Variants in GRIN2B observed in about 807,000 individuals in gnomAD.
GRIN2B encodes glutamate receptor ionotropic, NMDA 2B.
In GRIN2B, 5 loss-of-function variants were observed where a neutral mutation model predicts 114.5. The observed-to-expected ratio is 0.04, with a 90% CI of 0.02 to 0.09. The LOEUF is 0.09. Ranked by LOEUF, GRIN2B falls within the 10% of genes least tolerant of loss-of-function variation. GRIN2B has a pLI of 1.00. For missense variants in GRIN2B, 1,108 were observed against 1,943.5 expected (o/e 0.57, Z 8.08); for synonymous variants, 787 against 745.1 (o/e 1.06, Z -0.92).
In GRIN2B at chr12:13,537,776, A is replaced by G. The variant is rs559992083; in HGVS notation, c.*25007T>C. The G allele has an allele frequency of 6.6e-6, 1 of 152,308 alleles. No homozygotes were observed. The highest frequency in any genetic ancestry group is 6.5e-5 in the Admixed American group (1 of 15,290). The allele number at this position is 152,308 out of a possible 1,614,324, so 9.4% of individuals were successfully genotyped here. A position where few individuals can be genotyped will look rare whatever the true frequency, so the allele number is the denominator to read the frequency against. On this transcript the variant is annotated 3_prime_UTR_variant, in exon 14 of 14. Transcript: ENST00000609686. ...GAGACTCAGGCATCAGCATTTCAGA[A>G]ATACTCAGATGACTCCACTATGTAA...
At chr12:13,661,657 G>A (rs1949924638) in intron 5 of GRIN2B, among the ~76,000 whole-genome samples, 1 of 152,172 alleles carries the variant, frequency 6.6e-6, no homozygotes, top group East Asian at 1.9e-4. Flanking sequence ...GCAAACTCCA[G>A]TGTCTGCAGG....
At chr12:13,946,784 AC>A (rs1013566372) in intron 2 of GRIN2B, among the ~76,000 whole-genome samples, 2 of 152,180 alleles carry the variant, frequency 1.3e-5, no homozygotes, top group African/African-American at 4.8e-5. Context: ...TGTGTATTTT[AC>A]CACAGTTTAA....
chr12:13,643,770 A>C (rs973652260), intron 5 of GRIN2B, among the ~76,000 whole-genome samples: 4 of 152,162 alleles, frequency 2.6e-5, no homozygotes, highest in African/African-American at 4.8e-5. Context: ...ATGTTATGGC[A>C]TCTTCATTAG....
chr12:13,971,206 C>T (rs1862906294), intron 2 of GRIN2B, among the ~76,000 whole-genome samples: 1 of 152,210 alleles, frequency 6.6e-6, no homozygotes, highest in Non-Finnish European at 1.5e-5. Flanking sequence ...ACACCAGAGT[C>T]CAAACCACAC....
chr12:13,846,196 T>C (rs764513629), intron 3 of GRIN2B, among the ~76,000 whole-genome samples: 3 of 152,202 alleles, frequency 2.0e-5, no homozygotes, highest in Non-Finnish European at 4.4e-5. Context: ...ATTTGGTAGT[T>C]TAGTTTAGGC....
chr12:13,868,580 T>G (rs1002766978), intron 2 of GRIN2B, among the ~76,000 whole-genome samples: 13 of 152,176 alleles, frequency 8.5e-5, no homozygotes, highest in African/African-American at 3.1e-4. Flanking sequence ...ATCCTACAGT[T>G]ACAAGTCACT....
At chr12:13,690,868 AAT>A (rs1950211079) in intron 4 of GRIN2B, among the ~76,000 whole-genome samples, 1 of 152,216 alleles carries the variant, frequency 6.6e-6, no homozygotes, top group African/African-American at 2.4e-5. Flanking sequence ...TGTTAAAATT[AAT>A]ATGTGAATAT....
chr12:13,881,028 G>A (rs1029945279), intron 2 of GRIN2B, among the ~76,000 whole-genome samples: 2 of 152,210 alleles, frequency 1.3e-5, no homozygotes, highest in Admixed American at 6.5e-5. Flanking sequence ...GTGCGCGCAC[G>A]CATGTGCGCA....
rs1236073233 is a variant in GRIN2B, at chr12:13,553,411, C to G, written c.*9372G>C. On this transcript the variant is annotated 3_prime_UTR_variant, in exon 14 of 14. Transcript: ENST00000609686. ...AAATATACAGATAAGAGGTAAAGTGCTCAATTACCTCAACTCTTATCCTCC... is the reference window on the plus strand; with the variant it reads ...AAATATACAGATAAGAGGTAAAGTGGTCAATTACCTCAACTCTTATCCTCC... 3 of 152,202 alleles carry G rather than the reference C, an allele frequency of 2.0e-5. No homozygotes were observed. Among genetic ancestry groups the G allele is most frequent in the Non-Finnish European group, 4.4e-5 (3 of 68,040 alleles). 9.4% of individuals were successfully genotyped at this position (152,202 alleles called of 1,614,324 possible). A position where few individuals can be genotyped will look rare whatever the true frequency, so the allele number is the denominator to read the frequency against.
rs1343245549 is a variant in GRIN2B at position 13,721,040 on chromosome 12, C to A, written c.1010+32277G>T. On this transcript the variant is annotated intron_variant, in intron 4 of 13. Coordinates refer to ENST00000609686, the MANE Select transcript of GRIN2B (RefSeq NM_000834.5). ...ATTAGTACCGTACAATAGATAGTGA[C>A]CAAGAAGCTGCTTGGTATTGGGTAG... Among the ~76,000 whole-genome samples the A allele has an allele frequency of 3.9e-5, 6 of 152,070 alleles. No individual in the cohort carries two copies. In the East Asian group the frequency reaches 1.2e-3, roughly 30 times the overall value.
chr12:13,970,451 A>T (rs1591647053), intron 2 of GRIN2B, among the ~76,000 whole-genome samples: 1 of 152,102 alleles, frequency 6.6e-6, no homozygotes, highest in East Asian at 1.9e-4. Flanking sequence ...AAAGGTATAA[A>T]CATGTCAGCT....
chr12:13,592,576 C>T lies in GRIN2B; in HGVS notation c.2010+16027G>A, dbSNP rs536830609. 3.3e-5 allele frequency among the ~76,000 whole-genome samples: 5 copies of T among 152,300 alleles called. No homozygotes were observed. In the East Asian group the frequency reaches 9.6e-4, roughly 29 times the overall value. On this transcript the variant is annotated intron_variant, in intron 10 of 13. Coordinates refer to ENST00000609686, the MANE Select transcript of GRIN2B (RefSeq NM_000834.5). ...TAGCCCTAGCCAGTTGCACCCATGACATGGGGGTGACAAAGGCCAGAAATG... is the reference window on the plus strand; with the variant it reads ...TAGCCCTAGCCAGTTGCACCCATGATATGGGGGTGACAAAGGCCAGAAATG...
chr12:13,681,713 T>C (rs930562515), intron 4 of GRIN2B, among the ~76,000 whole-genome samples: 1 of 152,162 alleles, frequency 6.6e-6, no homozygotes, highest in African/African-American at 2.4e-5. Flanking sequence ...TTAGTGTGTA[T>C]ATGTAAGGTA....
Position 13,544,092 on chromosome 12 carries a change from C to G in GRIN2B, c.*18691G>C, listed in dbSNP as rs926860831. ...GAAGTCCCTCCCTGGGCGTCACATT[C>G]TCTATGATCTGCTATTTCCATGTCC... On this transcript the variant is annotated 3_prime_UTR_variant, in exon 14 of 14. Coordinates refer to ENST00000609686, the MANE Select transcript of GRIN2B (RefSeq NM_000834.5). 2 of 152,168 alleles carry G rather than the reference C, an allele frequency of 1.3e-5. No individual in the cohort carries two copies. Among genetic ancestry groups the G allele is most frequent in the Admixed American group, 1.3e-4 (2 of 15,286 alleles). 9.4% of individuals were successfully genotyped at this position (152,168 alleles called of 1,614,324 possible). A position where few individuals can be genotyped will look rare whatever the true frequency, so the allele number is the denominator to read the frequency against.
chr12:13,802,992 C>G (rs200935193), intron 3 of GRIN2B, among the ~76,000 whole-genome samples: 4 of 147,024 alleles, frequency 2.7e-5, no homozygotes, highest in Non-Finnish European at 3.0e-5. Flanking sequence ...ACGACCTCTT[C>G]TCTTCCTCCT....
chr12:13,841,738 C>G (rs1420270340), intron 3 of GRIN2B, among the ~76,000 whole-genome samples: 1 of 152,078 alleles, frequency 6.6e-6, no homozygotes, highest in Non-Finnish European at 1.5e-5. Context: ...CACTGGCCCA[C>G]AGAAAAATGA....
At chr12:13,566,667 TG>T (rs1471683079) in intron 13 of GRIN2B, among the ~76,000 whole-genome samples, 1 of 152,222 alleles carries the variant, frequency 6.6e-6, no homozygotes, top group Non-Finnish European at 1.5e-5. Flanking sequence ...TAAATAGAAA[TG>T]TACATTTTTA....
intron 4 of GRIN2B, among the ~76,000 whole-genome samples, chr12:13,684,071 A>G (rs1257069448): frequency 6.6e-6 from 1 of 152,060 alleles, no homozygotes; most frequent in East Asian, 1.9e-4. Flanking sequence ...ATAACATCCA[A>G]AACTATTAAG....
intron 4 of GRIN2B, 33 bp from the exon 5 acceptor site, chr12:13,675,892 T>A: frequency 8.2e-7 from 1 of 1,218,280 alleles, no homozygotes; most frequent in Non-Finnish European, 1.2e-6. Context: ...AGATTAAAAG[T>A]ATGAAGAGGG....
Sources: allele counts gnomAD v4.1 joint callset (sites outside exome capture counted in the v4.1 genomes callset), GRCh38; gene constraint gnomAD v4.1.1; transcripts MANE v1.5; gene names NCBI Gene and HGNC (gene_info 2026-07-23, HGNC 2026-07-21).